The following ERC1 variants were observed in gnomAD, a reference collection of about 807,000 sequenced individuals.
ERC1 encodes RAB6 interacting protein 2.
Under a neutral mutation model 132.0 loss-of-function variants are expected in ERC1, and 56 were observed. The observed-to-expected ratio is 0.42, with a 90% CI of 0.34 to 0.53. The LOEUF (loss-of-function observed/expected upper bound fraction) is 0.53. Among genes scored for constraint, ERC1 ranks in the 20% least tolerant of loss-of-function variants. ERC1 has a pLI of 0.03. For synonymous variants in ERC1, 478 were observed against 476.1 expected (o/e 1.00, Z -0.05); for missense variants, 1,202 against 1,349.9 (o/e 0.89, Z 1.72).
Position 1,479,407 on chromosome 12 carries a change from T to G in ERC1, c.3214-10686T>G, listed in dbSNP as rs186915168. ...CAGAAATGAGGCTTCCAATCCTTAA[T>G]CATGTTTATTCCTCCATTTAAGACA... is the stretch of plus-strand genomic sequence containing the variant. On this transcript the variant is annotated intron_variant, in intron 18 of 18. Coordinates refer to ENST00000360905, the MANE Select transcript of ERC1 (RefSeq NM_178040.4). 4.9e-3 allele frequency among the ~76,000 whole-genome samples: 742 copies of G among 152,368 alleles called. 6 individuals carry two copies. The highest frequency in any genetic ancestry group is 0.017 in the African/African-American group (713 of 41,576).
intron 11 of ERC1, among the ~76,000 whole-genome samples, chr12:1,187,216 G>T (rs1955196841): frequency 6.6e-6 from 1 of 152,034 alleles, no homozygotes; most frequent in Non-Finnish European, 1.5e-5. Flanking sequence ...AATTTATAAA[G>T]TTGTAAAGGT....
intron 18 of ERC1, among the ~76,000 whole-genome samples, chr12:1,460,633 C>T (rs941894124): frequency 1.3e-5 from 2 of 152,036 alleles, no homozygotes; most frequent in Admixed American, 6.6e-5. Flanking sequence ...GAAATAAGTC[C>T]TTTTGACTGG....
upstream of ERC1, among the ~76,000 whole-genome samples, chr12:990,833 G>C (rs1959175948): frequency 6.6e-6 from 1 of 151,960 alleles, no homozygotes; most frequent in Non-Finnish European, 1.5e-5. Flanking sequence ...GCGGCTCCTC[G>C]GGCTTCCAGC....
chr12:1,382,798 T>C (rs961481445), intron 16 of ERC1, among the ~76,000 whole-genome samples: 33 of 152,190 alleles, frequency 2.2e-4, no homozygotes, highest in African/African-American at 8.0e-4. Context: ...CTATAGAAAT[T>C]TGCTTTTTTT....
chr12:1,270,593 GATAAT>G (rs2077769126), intron 14 of ERC1, among the ~76,000 whole-genome samples: 1 of 151,756 alleles, frequency 6.6e-6, no homozygotes, highest in Admixed American at 6.6e-5. Context: ...ATCTCATTAA[GATAAT>G]ATGTTTAATA....
intron 12 of ERC1, among the ~76,000 whole-genome samples, chr12:1,191,536 C>T (rs1185164570): frequency 2.0e-5 from 3 of 152,090 alleles, no homozygotes; most frequent in Non-Finnish European, 4.4e-5. Context: ...GAAATTATTG[C>T]TTGCTATTTC....
chr12:1,198,971 C>A (rs1309348550), intron 12 of ERC1, among the ~76,000 whole-genome samples: 2 of 121,786 alleles, frequency 1.6e-5, no homozygotes, highest in Non-Finnish European at 3.4e-5. Flanking sequence ...GGGGACAAAC[C>A]ACCGTCATGA....
intron 8 of ERC1, among the ~76,000 whole-genome samples, chr12:1,157,958 T>A (rs972528969): frequency 5.3e-5 from 8 of 152,194 alleles, no homozygotes; most frequent in Admixed American, 1.3e-4. Context: ...CCAAAACTGA[T>A]AACACACTAC....
At chr12:1,189,205 G>A (rs1955455608) in intron 11 of ERC1, among the ~76,000 whole-genome samples, 1 of 152,176 alleles carries the variant, frequency 6.6e-6, no homozygotes, top group Admixed American at 6.5e-5. Context: ...AAGCCACTGA[G>A]CCCATCCTTA....
chr12:1,490,246 A>C lies in ERC1; in HGVS notation c.*16A>C. On this transcript the variant is annotated 3_prime_UTR_variant, in exon 19 of 19. Transcript: ENST00000360905. ...GTCCTCTTGACCCTGCTTTATGGGG[A>C]AGCCTGAGGTAGTCAACCCAGGAGC... 1 of 1,611,882 alleles carries C rather than the reference A, an allele frequency of 6.2e-7. No individual in the cohort carries two copies. Among genetic ancestry groups the C allele is most frequent in the South Asian group, 1.1e-5 (1 of 90,948 alleles).
chr12:1,360,453 T>C (rs1168294887), intron 15 of ERC1, among the ~76,000 whole-genome samples: 2 of 152,184 alleles, frequency 1.3e-5, no homozygotes, highest in Non-Finnish European at 2.9e-5. Flanking sequence ...TTCTTGGAAA[T>C]TGCTTTCAGA....
intron 15 of ERC1, among the ~76,000 whole-genome samples, chr12:1,309,150 A>G (rs2081101742): frequency 6.6e-6 from 1 of 152,240 alleles, no homozygotes; most frequent in South Asian, 2.1e-4. Context: ...CTAGTTTATG[A>G]TATTTTGTTA....
intron 2 of ERC1, among the ~76,000 whole-genome samples, chr12:1,042,338 G>GTTTTTTTTT (rs776086251): frequency 2.5e-5 from 3 of 121,002 alleles, no homozygotes; most frequent in Non-Finnish European, 4.9e-5. Context: ...CGCCCGGCCT[G>GTTTTTTTTT]TTTTTTTTTT....
intron 14 of ERC1, among the ~76,000 whole-genome samples, chr12:1,280,149 A>G (rs1055505662): frequency 3.3e-5 from 5 of 152,120 alleles, no homozygotes; most frequent in Admixed American, 6.5e-5. Context: ...CTTTTCTCCT[A>G]CTGAGAAGTT....
intron 17 of ERC1, among the ~76,000 whole-genome samples, chr12:1,435,389 C>G (rs768702856): frequency 1.3e-5 from 2 of 151,986 alleles, no homozygotes; most frequent in Admixed American, 6.6e-5. Flanking sequence ...CTGCTAGGGT[C>G]GGGGAGGCAG....
intron 8 of ERC1, among the ~76,000 whole-genome samples, chr12:1,156,417 T>C (rs953943391): frequency 2.6e-5 from 4 of 151,972 alleles, no homozygotes; most frequent in African/African-American, 9.7e-5. Flanking sequence ...ATTTTTGTAT[T>C]ATTAGTAGAG....
At chr12:1,485,286 C>G (rs1466419031) in intron 18 of ERC1, among the ~76,000 whole-genome samples, 8 of 146,968 alleles carry the variant, frequency 5.4e-5, no homozygotes, top group East Asian at 2.0e-4. Context: ...CCCACTGCAA[C>G]CTCCACCTCC....
At chr12:1,488,667 G>A (rs191179153) in intron 18 of ERC1, among the ~76,000 whole-genome samples, 46 of 152,300 alleles carry the variant, frequency 3.0e-4, no homozygotes, top group African/African-American at 1.1e-3. Context: ...TAACTCCAGA[G>A]CCTATGTTCT....
intron 1 of ERC1, among the ~76,000 whole-genome samples, chr12:1,014,429 G>T (rs536318827): frequency 4.6e-5 from 7 of 152,122 alleles, no homozygotes; most frequent in Non-Finnish European, 1.0e-4. Context: ...ACCCATCTTG[G>T]CCTCTCAAAG....
Sources: gnomAD v4.1 joint callset for allele counts (sites outside exome capture counted in the v4.1 genomes callset) on GRCh38, gnomAD v4.1.1 for gene constraint, MANE v1.5 for transcripts, NCBI Gene and HGNC (gene_info 2026-07-23, HGNC 2026-07-21) for gene names.